GDPD5: variants seen among roughly 807,000 people sequenced by gnomAD.
GDPD5 encodes glycerophosphodiester phosphodiesterase domain containing 5.
GDPD5 carries 48 observed loss-of-function variants against 75.1 expected under a neutral mutation model. The ratio of observed to expected loss-of-function variants is 0.64; its 90% CI spans 0.51 to 0.81. The LOEUF is 0.81. Ranked by LOEUF, GDPD5 falls within the 40% of genes least tolerant of loss-of-function variation. The probability of loss-of-function intolerance (pLI) is 0.00; values close to 1 mark genes in which losing one functional copy is unlikely to be tolerated. For missense variants in GDPD5, 706 were observed against 822.6 expected (o/e 0.86, Z 1.73); for synonymous variants, 336 against 339.0 (o/e 0.99, Z 0.10).
chr11:75,511,753 T>C (rs1342345221), intron 1 of GDPD5, among the ~76,000 whole-genome samples: 1 of 152,004 alleles, frequency 6.6e-6, no homozygotes, highest in African/African-American at 2.4e-5. Flanking sequence ...AGACAGATAA[T>C]GAACATGGCA....
chr11:75,448,831 C>A, intron 9 of GDPD5, 146 bp downstream of exon 9: 1 of 1,173,700 alleles, frequency 8.5e-7, no homozygotes. Context: ...CCCAGCACTC[C>A]CGGCCTTTTT....
intron 2 of GDPD5, among the ~76,000 whole-genome samples, chr11:75,488,412 C>A (rs958159388): frequency 6.6e-6 from 1 of 152,108 alleles, no homozygotes; most frequent in Non-Finnish European, 1.5e-5. Context: ...ATGGCTCTTC[C>A]TAAGTCCCAG....
At chr11:75,436,516 G>A (rs949610093) in intron 16 of GDPD5, among the ~76,000 whole-genome samples, 12 of 132,840 alleles carry the variant, frequency 9.0e-5, no homozygotes, top group African/African-American at 3.5e-4. Context: ...GACTTTCCCT[G>A]CCACTGTTTA....
intron 1 of GDPD5, among the ~76,000 whole-genome samples, chr11:75,506,115 A>C (rs1429292167): frequency 1.3e-5 from 2 of 152,232 alleles, no homozygotes; most frequent in African/African-American, 4.8e-5. Flanking sequence ...GCAAGAGCAC[A>C]AAATGCTGAG....
In GDPD5 at chr11:75,457,677, A is replaced by T. The variant is rs763057076; in HGVS notation, c.315+16T>A. ...TGGGAGCAGGGCCACCTGCCCTCCA[A>T]AACAGCCCCATGTACCAGGAGGCCA... On this transcript the variant is annotated intron_variant, in intron 5 of 16. Transcript: ENST00000336898. 4 of 1,613,088 alleles carry T rather than the reference A, an allele frequency of 2.5e-6. No individual in the cohort carries two copies. The highest frequency in any genetic ancestry group is 1.3e-5 in the African/African-American group (1 of 74,922).
intron 2 of GDPD5, among the ~76,000 whole-genome samples, chr11:75,489,337 C>T (rs1950069327): frequency 6.6e-6 from 1 of 152,364 alleles, no homozygotes; most frequent in East Asian, 1.9e-4. Context: ...CTACTCTTCA[C>T]AGTCTTCTGC....
At chr11:75,486,209 G>A (rs918760988) in intron 2 of GDPD5, among the ~76,000 whole-genome samples, 2 of 152,174 alleles carry the variant, frequency 1.3e-5, no homozygotes, top group African/African-American at 4.8e-5. Flanking sequence ...TCGAGGAAAA[G>A]GGAAGGCCAA....
Position 75,477,764 on chromosome 11 carries a change from C to T in GDPD5, c.-29G>A. ...CGTGCCCACGGCCCTGGCGCCTGGC[C>T]CTCAGGCGCCCATGGAGGCCCCCAG... On this transcript the variant is annotated 5_prime_UTR_variant, in exon 3 of 17. Transcript: ENST00000336898. 1 of 1,476,360 alleles carries T rather than the reference C, an allele frequency of 6.8e-7. No individual in the cohort carries two copies. The highest frequency in any genetic ancestry group is 9.2e-7 in the Non-Finnish European group (1 of 1,087,510). 91.5% of individuals were successfully genotyped at this position (1,476,360 alleles called of 1,614,324 possible). A position where few individuals can be genotyped will look rare whatever the true frequency, so the allele number is the denominator to read the frequency against.
At chr11:75,457,353 A>T (rs1565192417) in intron 5 of GDPD5, among the ~76,000 whole-genome samples, 1 of 152,214 alleles carries the variant, frequency 6.6e-6, no homozygotes, top group Non-Finnish European at 1.5e-5. Context: ...CAAAAGCAAG[A>T]GGACCTCCTG....
chr11:75,468,400 G>A (rs946724251), intron 3 of GDPD5, among the ~76,000 whole-genome samples: 4 of 152,202 alleles, frequency 2.6e-5, no homozygotes, highest in Admixed American at 2.6e-4. Flanking sequence ...CCTTCCAGAT[G>A]CTGCCTAGTC....
At chr11:75,479,893 C>CT (rs1949868951) in intron 2 of GDPD5, among the ~76,000 whole-genome samples, 1 of 152,178 alleles carries the variant, frequency 6.6e-6, no homozygotes, top group African/African-American at 2.4e-5. Flanking sequence ...CATTTCATTC[C>CT]TTTTTATGTC....
intron 3 of GDPD5, among the ~76,000 whole-genome samples, chr11:75,466,605 GTTGT>G (rs1366138519): frequency 2.0e-5 from 3 of 152,156 alleles, no homozygotes; most frequent in Non-Finnish European, 2.9e-5. Context: ...AACACTAGGG[GTTGT>G]TTATTTAGGG....
intron 6 of GDPD5, 114 bp from the exon 7 acceptor site, chr11:75,450,097 A>C: frequency 1.3e-6 from 1 of 765,872 alleles, no homozygotes; most frequent in East Asian, 2.7e-5. Flanking sequence ...CCGATGGAGC[A>C]GGGCAGAGGG....
intron 1 of GDPD5, among the ~76,000 whole-genome samples, chr11:75,521,852 T>A (rs556045599): frequency 6.6e-6 from 1 of 152,126 alleles, no homozygotes; most frequent in South Asian, 2.1e-4. Context: ...TAGGAGACAG[T>A]GCAGAGCAAT....
intron 11 of GDPD5, 116 bp downstream of exon 11, chr11:75,443,020 C>A (rs776393981): frequency 2.5e-5 from 31 of 1,226,160 alleles, no homozygotes; most frequent in Non-Finnish European, 3.5e-5. Flanking sequence ...GGGTGGAGGT[C>A]GCGAAAGCTC....
At chr11:75,513,797 C>T (rs1950580473) in intron 1 of GDPD5, among the ~76,000 whole-genome samples, 1 of 152,208 alleles carries the variant, frequency 6.6e-6, no homozygotes, top group Admixed American at 6.5e-5. Flanking sequence ...CCCTGGCACC[C>T]ATAGGGCCTC....
intron 3 of GDPD5, among the ~76,000 whole-genome samples, chr11:75,472,694 A>C (rs1949696221): frequency 6.6e-6 from 1 of 151,974 alleles, no homozygotes; most frequent in Non-Finnish European, 1.5e-5. Context: ...CCGCTTCCTC[A>C]CTCACTCATG....
intron 1 of GDPD5, among the ~76,000 whole-genome samples, chr11:75,523,454 C>T (rs1016356883): frequency 6.6e-6 from 1 of 152,218 alleles, no homozygotes; most frequent in Admixed American, 6.5e-5. Context: ...CCACACGAGA[C>T]TGGGCCATTA....
intron 9 of GDPD5, among the ~76,000 whole-genome samples, chr11:75,445,594 C>G (rs565712425): frequency 1.4e-4 from 22 of 152,332 alleles, no homozygotes; most frequent in Non-Finnish European, 2.8e-4. Flanking sequence ...CCCGATCCCC[C>G]TGCCCTGCTC....
Sources: gnomAD v4.1 joint callset for allele counts (sites outside exome capture counted in the v4.1 genomes callset) on GRCh38, gnomAD v4.1.1 for gene constraint, MANE v1.5 for transcripts, NCBI Gene and HGNC (gene_info 2026-07-23, HGNC 2026-07-21) for gene names.